MCTP2: variants seen among roughly 807,000 people sequenced by gnomAD.
MCTP2 encodes the protein multiple C2 and transmembrane domain containing 2, also known as multiple C2 and transmembrane domain-containing protein 2.
A neutral mutation model predicts 111.6 loss-of-function variants in MCTP2; 132 were observed. The observed-to-expected ratio is 1.18, with a 90% CI of 1.03 to 1.37. The LOEUF (loss-of-function observed/expected upper bound fraction) is 1.37. MCTP2 is among the 40% of genes most tolerant of loss of function. MCTP2 has a pLI of 0.00. For missense variants in MCTP2, 1,183 were observed against 1,067.9 expected (o/e 1.11, Z -1.50); for synonymous variants, 395 against 387.7 (o/e 1.02, Z -0.22).
chr15:94,279,039 G>T (rs1453854128), intron 1 of MCTP2, among the ~76,000 whole-genome samples: 2 of 152,170 alleles, frequency 1.3e-5, no homozygotes, highest in East Asian at 3.8e-4. Context: ...ATAGTTTGAA[G>T]TTGAGTGGTG....
intron 19 of MCTP2, among the ~76,000 whole-genome samples, chr15:94,443,857 G>T (rs147321944): frequency 6.6e-6 from 1 of 151,676 alleles, no homozygotes; most frequent in Non-Finnish European, 1.5e-5. Flanking sequence ...TTCAGAAAAG[G>T]GTTCACACAG....
intron 21 of MCTP2, 41 bp from the exon 22 acceptor site, chr15:94,476,655 G>GATAC (rs768545061): frequency 1.3e-5 from 13 of 1,007,772 alleles, no homozygotes; most frequent in South Asian, 1.0e-4. Context: ...TAGATAGACA[G>GATAC]ACAGACAGAT....
chr15:94,431,181 G>A (rs900354945), intron 17 of MCTP2, among the ~76,000 whole-genome samples: 3 of 152,132 alleles, frequency 2.0e-5, no homozygotes, highest in Non-Finnish European at 2.9e-5. Flanking sequence ...ACTTATCCAG[G>A]AAATAAAGTA....
At chr15:94,305,369 A>C (rs1294878120) in intron 2 of MCTP2, among the ~76,000 whole-genome samples, 1 of 152,202 alleles carries the variant, frequency 6.6e-6, no homozygotes, top group Non-Finnish European at 1.5e-5. Context: ...TAACAGTTTT[A>C]GCCTCGGAGG....
chr15:94,456,258 G>A (rs1055945720), intron 19 of MCTP2, among the ~76,000 whole-genome samples: 5 of 152,104 alleles, frequency 3.3e-5, no homozygotes, highest in East Asian at 1.9e-4. Flanking sequence ...CATGAGCATC[G>A]TTATTTTGGC....
In MCTP2 at chr15:94,296,022, T is replaced by C. The variant is rs183891054; in HGVS notation, c.-65-2179T>C. Among the ~76,000 whole-genome samples the C allele has an allele frequency of 1.4e-3, 211 of 152,224 alleles. 3 individuals carry two copies. The highest frequency in any genetic ancestry group is 4.9e-3 in the African/African-American group (204 of 41,474). On this transcript the variant is annotated intron_variant, in intron 1 of 22. Transcript: ENST00000357742. ...TTTTAATTTCCACATACATGATACA[T>C]TTTTTCAAGACTCTGCTCTGTGTCC...
chr15:94,480,319 CTATT>C lies in MCTP2; in HGVS notation c.*1287_*1290del, dbSNP rs902852934. Reference sequence around the variant, plus strand: ...AAGATCTCATTTAATAGTGAGTTCACTATTTTTTTTTTTTTGTCTCTGGGTTGTA... The same window carrying C: ...AAGATCTCATTTAATAGTGAGTTCACTTTTTTTTTTTGTCTCTGGGTTGTA... On this transcript the variant is annotated 3_prime_UTR_variant, in exon 23 of 23. Coordinates refer to ENST00000357742, the MANE Select transcript of MCTP2 (RefSeq NM_001385001.1). 2.7e-5 allele frequency: 4 copies of C among 148,238 alleles called. No homozygotes were observed. Among genetic ancestry groups the C allele is most frequent in the African/African-American group, 7.7e-5 (3 of 39,054 alleles). 9.2% of individuals were successfully genotyped at this position (148,238 alleles called of 1,614,324 possible).
chr15:94,416,002 T>C (rs946072930), intron 17 of MCTP2, among the ~76,000 whole-genome samples: 1 of 152,090 alleles, frequency 6.6e-6, no homozygotes, highest in South Asian at 2.1e-4. Flanking sequence ...CATAATGAAC[T>C]CCTTAAATTC....
intron 17 of MCTP2, among the ~76,000 whole-genome samples, chr15:94,422,238 G>A (rs533298058): frequency 1.3e-5 from 2 of 152,206 alleles, no homozygotes; most frequent in South Asian, 2.1e-4. Context: ...GAGCTTTCAT[G>A]GGGAGAGGAA....
chr15:94,454,897 C>T (rs920955383), intron 19 of MCTP2, among the ~76,000 whole-genome samples: 10 of 152,182 alleles, frequency 6.6e-5, no homozygotes, highest in South Asian at 2.1e-4. Flanking sequence ...CTTGCCTCAC[C>T]GCAACCTCTG....
intron 17 of MCTP2, among the ~76,000 whole-genome samples, chr15:94,432,870 T>C (rs2083270694): frequency 6.6e-6 from 1 of 152,224 alleles, no homozygotes; most frequent in Non-Finnish European, 1.5e-5. Flanking sequence ...AACAGCCATG[T>C]CATTCATTGA....
At chr15:94,395,475 T>G (rs1187575124) in intron 14 of MCTP2, among the ~76,000 whole-genome samples, 3 of 152,232 alleles carry the variant, frequency 2.0e-5, no homozygotes, top group Admixed American at 1.3e-4. Context: ...GAGTTGGCAA[T>G]TCATTGCATC....
intron 1 of MCTP2, among the ~76,000 whole-genome samples, chr15:94,263,690 C>T (rs539907851): frequency 2.2e-4 from 33 of 152,304 alleles, no homozygotes; most frequent in Non-Finnish European, 3.4e-4. Context: ...AAATAGACCA[C>T]GGAAAGAAGA....
chr15:94,236,371 TTTTTTC>T (rs1205681695), intron 1 of MCTP2, among the ~76,000 whole-genome samples: 3 of 139,908 alleles, frequency 2.1e-5, no homozygotes, highest in East Asian at 2.1e-4. Context: ...ATCCTTTCTT[TTTTTTC>T]TTTTTTTTTT....
intron 1 of MCTP2, among the ~76,000 whole-genome samples, chr15:94,247,680 C>T (rs1322623395): frequency 6.6e-6 from 1 of 152,176 alleles, no homozygotes; most frequent in Non-Finnish European, 1.5e-5. Flanking sequence ...ATGATCATTA[C>T]TAATTTAATG....
chr15:94,372,996 G>A (rs994112517), intron 12 of MCTP2, among the ~76,000 whole-genome samples: 1 of 152,154 alleles, frequency 6.6e-6, no homozygotes, highest in East Asian at 1.9e-4. Flanking sequence ...TCCTGATAAA[G>A]CAAAAGTCCA....
intron 2 of MCTP2, among the ~76,000 whole-genome samples, chr15:94,308,681 G>A (rs1200865044): frequency 6.6e-6 from 1 of 151,968 alleles, no homozygotes; most frequent in Non-Finnish European, 1.5e-5. Context: ...TAAATATGCA[G>A]AGTTTTAGAG....
chr15:94,247,299 T>G (rs2072086659), intron 1 of MCTP2, among the ~76,000 whole-genome samples: 1 of 152,130 alleles, frequency 6.6e-6, no homozygotes, highest in African/African-American at 2.4e-5. Context: ...TGCTGCCCTT[T>G]CTTAGTCCCC....
intron 8 of MCTP2, among the ~76,000 whole-genome samples, chr15:94,352,529 T>G (rs535416821): frequency 6.6e-6 from 1 of 152,198 alleles, no homozygotes; most frequent in African/African-American, 2.4e-5. Context: ...TGTACTGTAT[T>G]GTATCCATTA....
Sources: gnomAD v4.1 joint callset for allele counts (sites outside exome capture counted in the v4.1 genomes callset) on GRCh38, gnomAD v4.1.1 for gene constraint, MANE v1.5 for transcripts, NCBI Gene and HGNC (gene_info 2026-07-23, HGNC 2026-07-21) for gene names.